CACNA1H: variants seen among roughly 807,000 people sequenced by gnomAD.
The protein encoded by CACNA1H is voltage-dependent T-type calcium channel subunit alpha-1H.
A neutral mutation model predicts 192.5 loss-of-function variants in CACNA1H; 149 were observed. The ratio of observed to expected loss-of-function variants is 0.77; its 90% CI spans 0.68 to 0.89. The LOEUF (loss-of-function observed/expected upper bound fraction) is 0.89. CACNA1H is among the 40% of genes least tolerant of loss of function. The pLI is 0.00. For missense variants in CACNA1H, 4,257 were observed against 3,423.5 expected, an observed-to-expected ratio of 1.24 and a Z score of -6.08; for synonymous variants, 2,202 against 1,475.2, an observed-to-expected ratio of 1.49 and a Z score of -11.29.
intron 2 of CACNA1H, among the ~76,000 whole-genome samples, chr16:1,181,975 C>T (rs538410770): frequency 3.3e-5 from 5 of 152,330 alleles, no homozygotes; most frequent in Admixed American, 1.3e-4. Context: ...CCCTCGCACA[C>T]GCATGCACAC....
chr16:1,209,148 T>C lies in CACNA1H; in HGVS notation c.3480T>C (p.Cys1160=), dbSNP rs1596449722. The change falls in exon 17 of 35, where the codon TGT becomes TGC. Residue 1160 remains cysteine (C), a synonymous_variant. Transcript: ENST00000348261. The part of the protein sequence containing the change: ...RAPSLKRRGQ[C]GERESLLSGE... ...CCAGCCTCAAGCGCCGCGGCCAGTG[T>C]GGGGAACGTGAGTCCCTGCTGTCTG... 1.3e-6 allele frequency: 2 copies of C among 1,553,500 alleles called. No homozygotes were observed. Among genetic ancestry groups the C allele is most frequent in the Non-Finnish European group, 1.7e-6 (2 of 1,149,660 alleles).
Position 1,201,698 on chromosome 16 carries a change from G to C in CACNA1H, c.1248G>C (p.Val416=). The C allele has an allele frequency of 1.9e-6, 3 of 1,607,882 alleles. No individual in the cohort carries two copies. The highest frequency in any genetic ancestry group is 2.5e-6 in the Non-Finnish European group (3 of 1,176,714). ...TCTTCATGATCAACCTGTGCCTGGT[G>C]GTGATTGCCACGCAGTTCTCGGAGA... ...GSFFMINLCL[V]VIATQFSETK... Residue 416 remains valine (V), a synonymous_variant, in exon 9 of 35, where the codon GTG becomes GTC. Transcript: ENST00000348261.
intron 17 of CACNA1H, 138 bp downstream of exon 17, chr16:1,209,550 CAGGG>C (rs1474338108): frequency 9.5e-7 from 1 of 1,055,602 alleles, no homozygotes; most frequent in African/African-American, 1.6e-5. Context: ...CAGGCCAGGC[CAGGG>C]AGGAATCCAG....
chr16:1,161,969 T>C (rs1450896957), intron 2 of CACNA1H, among the ~76,000 whole-genome samples: 1 of 152,148 alleles, frequency 6.6e-6, no homozygotes, highest in Non-Finnish European at 1.5e-5. Context: ...TGGGTCAGGC[T>C]GTGTCCCGTG....
chr16:1,217,209 A>G (rs1384383289), intron 31 of CACNA1H, among the ~76,000 whole-genome samples, 199 bp downstream of exon 31: 4 of 152,216 alleles, frequency 2.6e-5, no homozygotes, highest in African/African-American at 9.6e-5. Flanking sequence ...ACGCAGAGGC[A>G]TGTGCCCAGG....
rs775081958 is a variant in CACNA1H, at chr16:1,215,589, C to T, written c.5240C>T (p.Pro1747Leu). The change falls in exon 30 of 35, where the codon CCC becomes CTC. Residue 1747 changes from proline (P) to leucine (L), a missense_variant. By Grantham distance (98) the Pro-to-Leu change is moderately conservative (BLOSUM62 -3). Coordinates refer to ENST00000348261, the MANE Select transcript of CACNA1H (RefSeq NM_021098.3). ...CTGGACACTGTGGTGCAAGCTCTCC[C>T]CCAGGTAGGTGGAGCCCGCGCCATC... The part of the protein sequence containing the change: ...ALLDTVVQAL[P>L]QVGNLGLLFM... 2 of 1,611,028 alleles carry T rather than the reference C, an allele frequency of 1.2e-6. No homozygotes were observed. The highest frequency in any genetic ancestry group is 1.7e-5 in the Admixed American group (1 of 59,896).
rs559080031 is a variant in CACNA1H, at chr16:1,181,936, GCA to G, written c.300-13030_300-13029del. On this transcript the variant is annotated intron_variant, in intron 2 of 34. Transcript: ENST00000348261. ...CCCCTCACACATGCATGTCCCCTTT[GCA>G]CACACGCCCCCTCGCACACGCATGC... 2.0e-4 allele frequency among the ~76,000 whole-genome samples: 30 copies of G among 151,886 alleles called. No homozygotes were observed. The East Asian group carries it at 2.7e-3, about 14-fold the overall frequency.
intron 18 of CACNA1H, 80 bp downstream of exon 18, chr16:1,210,215 C>A: frequency 7.6e-7 from 1 of 1,309,352 alleles, no homozygotes; most frequent in Non-Finnish European, 1.1e-6. Context: ...CTGGGTGGGG[C>A]TAGCACATGG....
chr16:1,212,668 G>T (rs978109255), intron 26 of CACNA1H, 140 bp downstream of exon 26: 2 of 1,003,858 alleles, frequency 2.0e-6, no homozygotes, highest in African/African-American at 3.2e-5. Flanking sequence ...CGTGAGGAGG[G>T]GCTGCGCTCG....
chr16:1,162,211 G>T (rs988776941), intron 2 of CACNA1H, among the ~76,000 whole-genome samples: 1 of 152,128 alleles, frequency 6.6e-6, no homozygotes, highest in South Asian at 2.1e-4. Flanking sequence ...GGCCTCCAGA[G>T]CCCCAAGAGG....
At chr16:1,188,658 A>C (rs1360700336) in intron 2 of CACNA1H, among the ~76,000 whole-genome samples, 1 of 152,154 alleles carries the variant, frequency 6.6e-6, no homozygotes, top group Non-Finnish European at 1.5e-5. Context: ...CTTCAGAGCT[A>C]TGCGCTTTCA....
chr16:1,163,427 G>A (rs986999719), intron 2 of CACNA1H, among the ~76,000 whole-genome samples: 30 of 152,246 alleles, frequency 2.0e-4, no homozygotes, highest in African/African-American at 6.5e-4. Flanking sequence ...TGAGCTGCCG[G>A]CCTGTGCCCA....
At position 1,209,184 on chromosome 16, in the gene CACNA1H, G is replaced by A. The variant is rs755160683; in HGVS notation, c.3516G>A (p.Lys1172=). Residue 1172 remains lysine, a synonymous_variant, in exon 17 of 35, where the codon AAG becomes AAA. Transcript: ENST00000348261. ...ERESLLSGEG[K]GSTDDEAEDG... ...AGTCCCTGCTGTCTGGCGAGGGCAA[G>A]GGCAGCACCGACGACGAAGCTGAGG... 10 of 1,552,978 alleles carry A rather than the reference G, an allele frequency of 6.4e-6. No individual in the cohort carries two copies. In the South Asian group the frequency reaches 9.5e-5, roughly 15 times the overall value.
rs143922382 is a variant in CACNA1H, at chr16:1,155,614, C to T, written c.299+1578C>T. 3.7e-3 allele frequency among the ~76,000 whole-genome samples: 566 copies of T among 152,142 alleles called. 8 individuals carry two copies. Among genetic ancestry groups the T allele is most frequent in the African/African-American group, 0.013 (523 of 41,506 alleles). On this transcript the variant is annotated intron_variant, in intron 2 of 34. Transcript: ENST00000348261. ...AGAGTTGAGCAAGCCTGGACTCTCTCCTCACAGCCCCGGGCCTGGCTGCCC... is the reference window on the plus strand; with the variant it reads ...AGAGTTGAGCAAGCCTGGACTCTCTTCTCACAGCCCCGGGCCTGGCTGCCC...
chr16:1,204,777 C>T (rs1339343248), intron 10 of CACNA1H, among the ~76,000 whole-genome samples: 3 of 114,120 alleles, frequency 2.6e-5, no homozygotes, highest in African/African-American at 1.0e-4. Context: ...GGGTGGGAGC[C>T]GTGGGTGGGG....
At position 1,204,960 on chromosome 16, in the gene CACNA1H, C is replaced by CA. The variant is rs1344722130; in HGVS notation, c.2452-154_2452-153insA. Among the ~76,000 whole-genome samples, 87 of 3,378 alleles carry CA rather than the reference C, an allele frequency of 0.026. 27 individuals carry two copies. The highest frequency in any genetic ancestry group is 0.33 in the Middle Eastern group (2 of 6). 2.2% of individuals were successfully genotyped at this position (3,378 alleles called of 152,430 possible). A position where few individuals can be genotyped will look rare whatever the true frequency, so the allele number is the denominator to read the frequency against. On this transcript the variant is annotated intron_variant, in intron 10 of 34. Coordinates refer to ENST00000348261, the MANE Select transcript of CACNA1H (RefSeq NM_021098.3). ...GGGTGGGAGCCGCGGGTGGGGGCCCCGATCAGTGCCGGGGAGGGGTGGGAG... is the reference window on the plus strand; with the variant it reads ...GGGTGGGAGCCGCGGGTGGGGGCCCCAGATCAGTGCCGGGGAGGGGTGGGAG...
chr16:1,156,793 T>A (rs1962466020), intron 2 of CACNA1H, among the ~76,000 whole-genome samples: 1 of 152,034 alleles, frequency 6.6e-6, no homozygotes, highest in South Asian at 2.1e-4. Flanking sequence ...CACAGGAACC[T>A]GGGGGAGGGC....
chr16:1,163,755 A>G (rs1313372650), intron 2 of CACNA1H, among the ~76,000 whole-genome samples: 1 of 152,198 alleles, frequency 6.6e-6, no homozygotes, highest in Non-Finnish European at 1.5e-5. Flanking sequence ...ACGCTTGCCC[A>G]AGCCCACTGG....
chr16:1,214,525 C>G (rs576181099), intron 27 of CACNA1H, among the ~76,000 whole-genome samples: 1 of 152,180 alleles, frequency 6.6e-6, no homozygotes, highest in Admixed American at 6.5e-5. Flanking sequence ...CTGGGCAGTA[C>G]CTCCCAGCCC....
Sources: gnomAD v4.1 joint callset for allele counts (sites outside exome capture counted in the v4.1 genomes callset) on GRCh38, gnomAD v4.1.1 for gene constraint, MANE v1.5 for transcripts, NCBI Gene and HGNC (gene_info 2026-07-23, HGNC 2026-07-21) for gene names.